EFHC2: variants seen among roughly 807,000 people sequenced by gnomAD.
The protein encoded by EFHC2 is EF-hand domain containing 2, also known as EF-hand domain-containing family member C2.
In EFHC2, 18 loss-of-function variants were observed where a neutral mutation model predicts 52.7. That is an observed-to-expected ratio of 0.34 (90% confidence interval 0.24 to 0.51). The LOEUF (loss-of-function observed/expected upper bound fraction) is 0.51, where lower values mean the gene tolerates loss of function less well. Ranked by LOEUF, EFHC2 falls within the 20% of genes least tolerant of loss-of-function variation. The pLI, the probability that EFHC2 is intolerant of heterozygous loss-of-function variation, is 0.97. For missense variants in EFHC2, 513 were observed against 562.5 expected (o/e 0.91, Z 0.89); for synonymous variants, 203 against 204.1 (o/e 0.99, Z 0.04).
chrX:44,302,283 C>T (rs111304368), intron 2 of EFHC2, among the ~76,000 whole-genome samples: 1,808 of 111,690 alleles, frequency 0.016, 32 homozygotes, highest in African/African-American at 0.057. Flanking sequence ...CAGAATAAGC[C>T]ACAGGCCTAG....
Position 44,232,486 on chromosome X carries a change from C to T in EFHC2, c.1615G>A (p.Asp539Asn), listed in dbSNP as rs763399150. ...YTLNYMEQNT[D>N]KYPFSNLKLA... ...ATTATACAAAGTAAATTCACCTTAT[C>T]TGTATTCTGCTCCATGTAGTTTAAG... The change falls in exon 10 of 15, where the codon GAT (aspartate) becomes AAT (asparagine). Residue 539 changes from aspartate (D) to asparagine (N), a missense_variant. Coordinates refer to ENST00000420999, the MANE Select transcript of EFHC2 (RefSeq NM_025184.4). The T allele has an allele frequency of 4.5e-5, 49 of 1,093,848 alleles. No homozygotes were observed. In the South Asian group the frequency reaches 1.0e-3, roughly 22 times the overall value. The allele number at this position is 1,093,848 out of a possible 1,213,427, so 90.1% of individuals were successfully genotyped here.
chrX:44,275,913 CA>C (rs766678057), intron 2 of EFHC2, among the ~76,000 whole-genome samples: 899 of 60,413 alleles, frequency 0.015, 14 homozygotes, highest in African/African-American at 0.047. Context: ...GACGCCATCT[CA>C]AAAAAAAAAA....
At chrX:44,166,466 C>A (rs2036697430) in intron 13 of EFHC2, among the ~76,000 whole-genome samples, 1 of 110,974 alleles carries the variant, frequency 9.0e-6, no homozygotes, top group Non-Finnish European at 1.9e-5. Context: ...TTTAGATATG[C>A]CACATTTGGA....
chrX:44,319,025 CAG>C (rs1221626921), intron 1 of EFHC2, among the ~76,000 whole-genome samples: 2 of 95,826 alleles, frequency 2.1e-5, no homozygotes, highest in African/African-American at 4.0e-5. Context: ...TTTTTTGAGA[CAG>C]AGTCTCACTC....
At position 44,178,464 on chromosome X, in the gene EFHC2, C is replaced by A. The variant is rs1339981378; in HGVS notation, c.1852G>T (p.Asp618Tyr). ...TCGTGGGCCAGTGCGATTAAGAAATCCATATCTGAACATGTGCCCTCAGGC... is the reference window on the plus strand; with the variant it reads ...TCGTGGGCCAGTGCGATTAAGAAATACATATCTGAACATGTGCCCTCAGGC... ...RVPEGTCSDM[D>Y]FLIALAHEKF... The change falls in exon 12 of 15, where the codon GAT (aspartate) becomes TAT (tyrosine). Residue 618 changes from aspartate (D) to tyrosine (Y), a missense_variant. By Grantham distance (160) the Asp-to-Tyr change is radical. Coordinates refer to ENST00000420999, the MANE Select transcript of EFHC2 (RefSeq NM_025184.4). 1 of 1,207,377 alleles carries A rather than the reference C, an allele frequency of 8.3e-7. No homozygotes were observed. The highest frequency in any genetic ancestry group is 3.0e-5 in the East Asian group (1 of 33,799).
At chrX:44,174,606 C>A (rs1432396399) in intron 13 of EFHC2, among the ~76,000 whole-genome samples, 1 of 91,468 alleles carries the variant, frequency 1.1e-5, no homozygotes, top group Non-Finnish European at 2.1e-5. Flanking sequence ...CCATTGGGAG[C>A]TATTGCCTAC....
chrX:44,242,543 C>T (rs140277275), intron 7 of EFHC2, among the ~76,000 whole-genome samples: 234 of 108,617 alleles, frequency 2.2e-3, no homozygotes, highest in African/African-American at 6.7e-3. Flanking sequence ...AATAAGTAAA[C>T]GTTTATATTT....
intron 2 of EFHC2, among the ~76,000 whole-genome samples, chrX:44,289,061 C>G (rs2147365956): frequency 8.9e-6 from 1 of 111,929 alleles, no homozygotes; most frequent in East Asian, 2.8e-4. Context: ...ACCATATAGC[C>G]TGTTAAATTG....
At position 44,224,429 on chromosome X, in the gene EFHC2, C is replaced by T. The variant is rs1165039430; in HGVS notation, c.1751+5220G>A. Reference sequence around the variant, plus strand: ...AATTATTCAGCAGCTTCCCCAAGGCCACTAAGCTGGTAAACAAGAGAGCCA... The same window carrying T: ...AATTATTCAGCAGCTTCCCCAAGGCTACTAAGCTGGTAAACAAGAGAGCCA... On this transcript the variant is annotated intron_variant, in intron 11 of 14. Transcript: ENST00000420999. Among the ~76,000 whole-genome samples the T allele has an allele frequency of 3.6e-5, 4 of 112,160 alleles. No individual in the cohort carries two copies. In the Admixed American group the frequency reaches 3.8e-4, roughly 11 times the overall value.
chrX:44,253,312 G>A (rs1017577499), intron 4 of EFHC2, among the ~76,000 whole-genome samples: 1 of 109,859 alleles, frequency 9.1e-6, no homozygotes, highest in Non-Finnish European at 1.9e-5. Context: ...GAAAGGAGGT[G>A]GAAGCCAGGG....
intron 10 of EFHC2, among the ~76,000 whole-genome samples, 187 bp from the exon 11 acceptor site, chrX:44,229,966 C>CA (rs777457060): frequency 6.0e-4 from 66 of 109,862 alleles, no homozygotes; most frequent in African/African-American, 2.1e-3. Context: ...AGCTTCTGGA[C>CA]AACAGCTGAC....
chrX:44,164,893 T>G (rs1256923095), intron 13 of EFHC2, among the ~76,000 whole-genome samples: 1 of 112,021 alleles, frequency 8.9e-6, no homozygotes, highest in African/African-American at 3.2e-5. Context: ...TAATTATGGA[T>G]ATTAGATAAA....
At chrX:44,266,289 T>A (rs775899991) in intron 3 of EFHC2, among the ~76,000 whole-genome samples, 2 of 111,761 alleles carry the variant, frequency 1.8e-5, no homozygotes, top group Non-Finnish European at 3.8e-5. Context: ...ATTTAGCAAA[T>A]TAAAATATAG....
chrX:44,242,363 T>TG lies in EFHC2; in HGVS notation c.1112-75_1112-74insC. The TG allele has an allele frequency of 2.8e-6, 3 of 1,069,406 alleles. No individual in the cohort carries two copies. The South Asian group carries it at 6.5e-5, about 23-fold the overall frequency. The allele number at this position is 1,069,406 out of a possible 1,213,427, so 88.1% of individuals were successfully genotyped here. On this transcript the variant is annotated intron_variant, in intron 7 of 14. Coordinates refer to ENST00000420999, the MANE Select transcript of EFHC2 (RefSeq NM_025184.4). ...ATTATGGCTGTTTTGAAAGGTTTGT[T>TG]ATGTTTTCAAGATGAACATGGAGAT...
intron 11 of EFHC2, among the ~76,000 whole-genome samples, chrX:44,215,052 C>A (rs752474011): frequency 3.9e-4 from 43 of 111,130 alleles, no homozygotes; most frequent in Non-Finnish European, 6.4e-4. Context: ...AGTGAGTTCT[C>A]AAGAGATGTG....
chrX:44,237,995 A>G (rs935267037), intron 8 of EFHC2, among the ~76,000 whole-genome samples: 4 of 111,164 alleles, frequency 3.6e-5, no homozygotes, highest in Non-Finnish European at 7.5e-5. Flanking sequence ...ATCCACATTC[A>G]CCTATCTTCT....
intron 4 of EFHC2, among the ~76,000 whole-genome samples, chrX:44,253,420 G>T (rs1252204585): frequency 1.8e-5 from 2 of 111,121 alleles, no homozygotes; most frequent in Non-Finnish European, 3.8e-5. Context: ...GATCTGGGAC[G>T]CTGGAGCTTG....
chrX:44,190,213 T>C (rs1303373200), intron 11 of EFHC2, among the ~76,000 whole-genome samples: 5 of 111,824 alleles, frequency 4.5e-5, no homozygotes, highest in Non-Finnish European at 9.4e-5. Flanking sequence ...ATCCTGGTAG[T>C]GTCCACCAGC....
chrX:44,179,944 C>G (rs1469286136), intron 11 of EFHC2, among the ~76,000 whole-genome samples: 1 of 112,356 alleles, frequency 8.9e-6, no homozygotes, highest in East Asian at 2.8e-4. Flanking sequence ...AGGTCCTGTG[C>G]TAGCAGGGAC....
Sources: gnomAD v4.1 joint callset for allele counts (sites outside exome capture counted in the v4.1 genomes callset) on GRCh38, gnomAD v4.1.1 for gene constraint, MANE v1.5 for transcripts, NCBI Gene and HGNC (gene_info 2026-07-23, HGNC 2026-07-21) for gene names.